The following PIGK variants were observed in gnomAD, a reference collection of about 807,000 sequenced individuals.
PIGK encodes phosphatidylinositol glycan anchor biosynthesis class K.
In PIGK, 42 loss-of-function variants were observed where a neutral mutation model predicts 50.6. That is an observed-to-expected ratio of 0.83 (90% CI 0.65 to 1.07). The LOEUF is 1.07. Ranked by LOEUF, PIGK falls within the 50% of genes least tolerant of loss-of-function variation. The probability of loss-of-function intolerance (pLI) is 0.00; values close to 1 mark genes in which losing one functional copy is unlikely to be tolerated. For missense variants in PIGK, 448 were observed against 488.7 expected (o/e 0.92, Z 0.78); for synonymous variants, 151 against 156.0 (o/e 0.97, Z 0.24).
chr1:77,180,494 A>G (rs931194655), intron 3 of PIGK, among the ~76,000 whole-genome samples: 1 of 152,166 alleles, frequency 6.6e-6, no homozygotes, highest in African/African-American at 2.4e-5. Flanking sequence ...CCCCCAAAAT[A>G]TGAGACAGGT....
chr1:77,141,594 G>T (rs1306411155), intron 9 of PIGK, among the ~76,000 whole-genome samples: 1 of 152,100 alleles, frequency 6.6e-6, no homozygotes, highest in Non-Finnish European at 1.5e-5. Context: ...AGCAGAGAAA[G>T]ATGGAGCATA....
Position 77,183,399 on chromosome 1 carries a change from TC to T in PIGK, c.240-14005del, listed in dbSNP as rs1655666493. ...GCTGCCTGAGGCAACAGTAACGGCC[TC>T]CCCTGAGGCAGTTGTTAGGCAAAAT... On this transcript the variant is annotated intron_variant, in intron 3 of 10. Transcript: ENST00000370812. Among the ~76,000 whole-genome samples the T allele has an allele frequency of 5.9e-5, 9 of 152,212 alleles. No homozygotes were observed. In the Middle Eastern group the frequency reaches 0.017, roughly 288 times the overall value.
intron 3 of PIGK, among the ~76,000 whole-genome samples, chr1:77,170,093 T>C (rs960134066): frequency 6.6e-6 from 1 of 152,198 alleles, no homozygotes; most frequent in Non-Finnish European, 1.5e-5. Context: ...ATTCTCCTAA[T>C]AGCCCCCAGA....
chr1:77,208,707 G>C (rs1287362190), intron 2 of PIGK, among the ~76,000 whole-genome samples: 3 of 152,106 alleles, frequency 2.0e-5, no homozygotes, highest in Admixed American at 6.6e-5. Flanking sequence ...GCATATATAA[G>C]AGGTTTTTTT....
intron 3 of PIGK, among the ~76,000 whole-genome samples, chr1:77,171,630 C>T (rs1198526009): frequency 4.0e-5 from 6 of 151,752 alleles, no homozygotes; most frequent in Non-Finnish European, 8.8e-5. Flanking sequence ...TTTTAAGCCT[C>T]AATATAAGTA....
intron 3 of PIGK, among the ~76,000 whole-genome samples, chr1:77,189,295 G>C (rs375968646): frequency 3.3e-5 from 5 of 152,204 alleles, no homozygotes; most frequent in South Asian, 2.1e-4. Context: ...ATGTGTATGG[G>C]TTCAAGTTGA....
intron 10 of PIGK, among the ~76,000 whole-genome samples, chr1:77,106,068 C>G (rs150123955): frequency 3.9e-5 from 6 of 152,258 alleles, no homozygotes; most frequent in Non-Finnish European, 7.4e-5. Flanking sequence ...CAAAAGAAAA[C>G]CATCAACACA....
At chr1:77,116,562 C>CTG (rs763119489) in intron 10 of PIGK, among the ~76,000 whole-genome samples, 15,509 of 134,924 alleles carry the variant, frequency 0.11, 1,009 homozygotes, top group Non-Finnish European at 0.16. Flanking sequence ...AAATGTGTCT[C>CTG]TGTGTGTGTG....
intron 10 of PIGK, among the ~76,000 whole-genome samples, chr1:77,114,844 T>C (rs1257982053): frequency 6.6e-6 from 1 of 152,176 alleles, no homozygotes; most frequent in Non-Finnish European, 1.5e-5. Context: ...ATGAAAAATG[T>C]ATTATTTTTC....
intron 3 of PIGK, among the ~76,000 whole-genome samples, chr1:77,181,724 C>G (rs1298204452): frequency 6.6e-6 from 1 of 152,190 alleles, no homozygotes; most frequent in Non-Finnish European, 1.5e-5. Context: ...GCTTTTCCCC[C>G]TGACACAAAT....
At chr1:77,154,686 A>G in intron 8 of PIGK, 65 bp from the exon 9 acceptor site, 1 of 997,010 alleles carries the variant, frequency 1.0e-6, no homozygotes, top group Non-Finnish European at 1.5e-6. Context: ...AAATCCAATC[A>G]CATAATTCAC....
intron 8 of PIGK, among the ~76,000 whole-genome samples, chr1:77,155,587 G>GA (rs1239188401): frequency 1.4e-5 from 2 of 140,990 alleles, no homozygotes; most frequent in Non-Finnish European, 3.0e-5. Context: ...AACAGAGAGT[G>GA]AAATTCAAGC....
chr1:77,204,628 A>G (rs1656248550), intron 3 of PIGK, among the ~76,000 whole-genome samples: 4 of 152,060 alleles, frequency 2.6e-5, no homozygotes, highest in African/African-American at 7.2e-5. Flanking sequence ...CTGGACATCC[A>G]GCTTTAAAAT....
intron 3 of PIGK, among the ~76,000 whole-genome samples, chr1:77,186,490 T>C (rs1557817875): frequency 6.6e-6 from 1 of 152,164 alleles, no homozygotes; most frequent in East Asian, 1.9e-4. Context: ...AGAAGCATGA[T>C]TGGAAAATTG....
At chr1:77,202,558 A>C (rs188496283) in intron 3 of PIGK, among the ~76,000 whole-genome samples, 1 of 152,332 alleles carries the variant, frequency 6.6e-6, no homozygotes, top group Non-Finnish European at 1.5e-5. Context: ...TTGGAATCAG[A>C]CTGCAAAAAG....
chr1:77,121,585 T>G lies in PIGK; in HGVS notation c.1071+690A>C, dbSNP rs566129129. Among the ~76,000 whole-genome samples, 79 of 152,318 alleles carry G rather than the reference T, an allele frequency of 5.2e-4. 1 individual carries two copies. Among genetic ancestry groups the G allele is most frequent in the African/African-American group, 1.9e-3 (78 of 41,576 alleles). ...GAGAAACTCTGCCATTTAAGGGCTT[T>G]AAATATTTACTATAATATGTAAGTT... On this transcript the variant is annotated intron_variant, in intron 10 of 10. Transcript: ENST00000370812.
At chr1:77,105,071 G>A (rs1046762135) in intron 10 of PIGK, among the ~76,000 whole-genome samples, 1 of 152,290 alleles carries the variant, frequency 6.6e-6, no homozygotes, top group South Asian at 2.1e-4. Context: ...ATAAGGTTGT[G>A]TAGACAATTG....
intron 3 of PIGK, among the ~76,000 whole-genome samples, chr1:77,196,357 G>A (rs1427475781): frequency 6.6e-6 from 1 of 152,138 alleles, no homozygotes; most frequent in Non-Finnish European, 1.5e-5. Context: ...TAATGGGATT[G>A]GTGGGTCAAA....
intron 10 of PIGK, among the ~76,000 whole-genome samples, chr1:77,109,369 T>C (rs912477920): frequency 6.6e-6 from 1 of 152,170 alleles, no homozygotes; most frequent in African/African-American, 2.4e-5. Context: ...AATAAAATAC[T>C]GGCAAACCAA....
Sources: allele counts gnomAD v4.1 joint callset (sites outside exome capture counted in the v4.1 genomes callset), GRCh38; gene constraint gnomAD v4.1.1; transcripts MANE v1.5; gene names NCBI Gene and HGNC (gene_info 2026-07-23, HGNC 2026-07-21).